The following MYO16 variants were observed in gnomAD, a reference collection of about 807,000 sequenced individuals.
The protein encoded by MYO16 is myosin XVI.
MYO16 carries 94 observed loss-of-function variants against 205.3 expected under a neutral mutation model. The observed-to-expected ratio is 0.46, with a 90% CI of 0.39 to 0.54. MYO16 has a LOEUF of 0.54. MYO16 is among the 20% of genes least tolerant of loss of function. MYO16 has a pLI of 0.00. For missense variants in MYO16, 2,315 were observed against 2,387.5 expected (o/e 0.97, Z 0.63); for synonymous variants, 988 against 954.0 (o/e 1.04, Z -0.66).
chr13:108,973,275 T>C (rs1021743352), intron 20 of MYO16, among the ~76,000 whole-genome samples: 4 of 152,128 alleles, frequency 2.6e-5, no homozygotes, highest in African/African-American at 9.7e-5. Flanking sequence ...AGTATAATTG[T>C]ATTATGGGTT....
chr13:108,638,279 G>T (rs781319866), intron 1 of MYO16, among the ~76,000 whole-genome samples: 2 of 151,726 alleles, frequency 1.3e-5, no homozygotes, highest in Non-Finnish European at 2.9e-5. Flanking sequence ...GCTGTCAAAA[G>T]TTAGGTTTTT....
In MYO16 at chr13:109,055,091, C is replaced by T. The variant is rs1180592995; in HGVS notation, c.3094C>T (p.Arg1032Ter). 6 of 1,586,326 alleles carry T rather than the reference C, an allele frequency of 3.8e-6. No individual in the cohort carries two copies. The highest frequency in any genetic ancestry group is 5.1e-6 in the Non-Finnish European group (6 of 1,169,928). ...TTCTACATTTCTTCAAAGATTGGAA[C>T]GAGGAGATCCAGTCACCATAGCATC... ...GTSTFLQRLE[R>*]GDPVTIASQL... Residue 1032 changes from arginine (R) to a stop codon, truncating the protein, a stop_gained, in exon 26 of 35, where the codon CGA becomes TGA. Coordinates refer to ENST00000457511, the MANE Select transcript of MYO16 (RefSeq NM_001198950.3). LOFTEE classifies it high-confidence loss of function. The surrounding 1 kb of genome is among the most constrained non-coding windows in gnomAD (Gnocchi z 5.0).
chr13:109,205,949 G>T (rs1349979923), intron 34 of MYO16, among the ~76,000 whole-genome samples: 1 of 152,200 alleles, frequency 6.6e-6, no homozygotes, highest in African/African-American at 2.4e-5. Context: ...CACCAAAGAG[G>T]CTTCAAATAT....
intron 32 of MYO16, among the ~76,000 whole-genome samples, chr13:109,155,516 T>A (rs532758855): frequency 6.6e-6 from 1 of 152,294 alleles, no homozygotes; most frequent in South Asian, 2.1e-4. Context: ...TGCAGTGATG[T>A]ATTTTTCTGT....
chr13:108,706,907 C>T (rs576574954), intron 2 of MYO16, among the ~76,000 whole-genome samples: 26 of 152,250 alleles, frequency 1.7e-4, no homozygotes, highest in East Asian at 5.8e-4. Flanking sequence ...AGGTGGGTCT[C>T]GGCTAGTGCT....
At chr13:108,597,733 A>G (rs1046938153) in intron 1 of MYO16, among the ~76,000 whole-genome samples, 1 of 152,144 alleles carries the variant, frequency 6.6e-6, no homozygotes, top group African/African-American at 2.4e-5. Flanking sequence ...CTTGAAACAT[A>G]CAAAATTGCC....
rs1056849365 is a variant in MYO16, at chr13:108,666,143, A to G, written c.286A>G (p.Lys96Glu). 2 of 1,599,576 alleles carry G rather than the reference A, an allele frequency of 1.3e-6. No homozygotes were observed. Among genetic ancestry groups the G allele is most frequent in the African/African-American group, 1.3e-5 (1 of 74,682 alleles). Reference sequence around the variant, plus strand: ...GGACGCGATTATCCACCACAATGACAAAGAAGGTACATGATAAGAAAGAAG... The same window carrying G: ...GGACGCGATTATCCACCACAATGACGAAGAAGGTACATGATAAGAAAGAAG... ...LQDAIIHHND[K>E]EVLRLLKEGA... The change falls in exon 2 of 35, where the codon AAA becomes GAA. Residue 96 changes from lysine (K) to glutamate (E), a missense_variant. By Grantham distance (56) the Lys-to-Glu change is moderately conservative. Transcript: ENST00000457511.
the MYO16 span, among the ~76,000 whole-genome samples, chr13:108,536,707 G>A: frequency 1.3e-5 from 2 of 152,052 alleles, no homozygotes; most frequent in African/African-American, 4.8e-5. Context: ...GTATAAACCA[G>A]ATTTGAAGAC....
At chr13:108,759,162 G>GT (rs1885515413) in intron 4 of MYO16, among the ~76,000 whole-genome samples, 1 of 144,654 alleles carries the variant, frequency 6.9e-6, no homozygotes, top group Admixed American at 6.8e-5. Context: ...ATTGTAGTCT[G>GT]TTAAAAAAAA....
chr13:108,789,360 C>T (rs1886548661), intron 5 of MYO16, among the ~76,000 whole-genome samples: 1 of 152,174 alleles, frequency 6.6e-6, no homozygotes, highest in Admixed American at 6.5e-5. Context: ...TTTTACATTA[C>T]TACAGTAGCT....
At chr13:108,569,050 T>C in the MYO16 span, among the ~76,000 whole-genome samples, 1 of 152,156 alleles carries the variant, frequency 6.6e-6, no homozygotes, top group East Asian at 1.9e-4. Flanking sequence ...CATCTCACTG[T>C]TTTGATTATT....
intron 23 of MYO16, among the ~76,000 whole-genome samples, chr13:109,021,139 G>A (rs148970590): frequency 2.3e-4 from 35 of 152,214 alleles, no homozygotes; most frequent in African/African-American, 8.2e-4. Context: ...TTTGATTCAG[G>A]ATTCAGTTGT....
At chr13:108,891,768 C>T (rs1231833369) in intron 14 of MYO16, among the ~76,000 whole-genome samples, 2 of 152,202 alleles carry the variant, frequency 1.3e-5, no homozygotes, top group Admixed American at 1.3e-4. Context: ...TCATGCAAGA[C>T]AGCTGCACTT....
At chr13:109,093,370 C>T (rs1231940163) in intron 27 of MYO16, among the ~76,000 whole-genome samples, 1 of 152,124 alleles carries the variant, frequency 6.6e-6, no homozygotes, top group East Asian at 1.9e-4. Flanking sequence ...CAGTACTGCC[C>T]TGTCCAGTCA....
At chr13:108,753,168 G>GACCAGCC (rs1202692560) in intron 4 of MYO16, among the ~76,000 whole-genome samples, 1 of 149,512 alleles carries the variant, frequency 6.7e-6, no homozygotes, top group East Asian at 2.1e-4. Context: ...AGCAGTTCGA[G>GACCAGCC]ACCAGCCTGA....
At position 108,904,087 on chromosome 13, in the gene MYO16, C is replaced by T. The variant is rs532262720; in HGVS notation, c.1778-5916C>T. Among the ~76,000 whole-genome samples, 6 of 152,208 alleles carry T rather than the reference C, an allele frequency of 3.9e-5. No homozygotes were observed. The East Asian group carries it at 1.2e-3, about 29-fold the overall frequency. Reference sequence around the variant, plus strand: ...CTTTTATAATTTAATGTCAATCTTTCATCAGCAATGTAACCACAGATCATA... The same window carrying T: ...CTTTTATAATTTAATGTCAATCTTTTATCAGCAATGTAACCACAGATCATA... On this transcript the variant is annotated intron_variant, in intron 15 of 34. Coordinates refer to ENST00000457511, the MANE Select transcript of MYO16 (RefSeq NM_001198950.3).
intron 32 of MYO16, among the ~76,000 whole-genome samples, chr13:109,144,319 G>A (rs555171871): frequency 1.7e-3 from 255 of 152,248 alleles, no homozygotes; most frequent in African/African-American, 5.6e-3. Context: ...CCGGCCAAAT[G>A]TATAATTCTT....
chr13:108,932,102 A>C (rs549789725), intron 16 of MYO16, among the ~76,000 whole-genome samples: 1 of 152,318 alleles, frequency 6.6e-6, no homozygotes, highest in East Asian at 1.9e-4. Context: ...AGTTTAACTC[A>C]TGCATTGCAT....
chr13:108,680,608 G>C (rs1201675379), intron 2 of MYO16, among the ~76,000 whole-genome samples: 1 of 152,150 alleles, frequency 6.6e-6, no homozygotes, highest in East Asian at 1.9e-4. Flanking sequence ...AAAACACCTT[G>C]AGGCACTTTT....
Sources: allele counts gnomAD v4.1 joint callset (sites outside exome capture counted in the v4.1 genomes callset), GRCh38; gene constraint gnomAD v4.1.1; non-coding constraint Gnocchi (gnomAD v3.1); transcripts MANE v1.5; gene names NCBI Gene and HGNC (gene_info 2026-07-23, HGNC 2026-07-21).